The following RNF213 variants were observed in gnomAD, a reference collection of about 807,000 sequenced individuals.
The protein encoded by RNF213 is ring finger protein 213.
In RNF213, 341 loss-of-function variants were observed where a neutral mutation model predicts 514.4. The observed-to-expected ratio is 0.66, with a 90% confidence interval of 0.61 to 0.73. The LOEUF (loss-of-function observed/expected upper bound fraction) is 0.73. Ranked by LOEUF, RNF213 falls within the 30% of genes least tolerant of loss-of-function variation. The probability of loss-of-function intolerance (pLI) is 0.00; values close to 1 mark genes in which losing one functional copy is unlikely to be tolerated. For synonymous variants in RNF213, 2,655 were observed against 2,658.2 expected (o/e 1.00, Z 0.04); for missense variants, 5,767 against 6,615.6 (o/e 0.87, Z 4.45).
Position 80,263,886 on chromosome 17 carries a change from G to A in RNF213, c.97+108G>A. 2 of 855,612 alleles carry A rather than the reference G, an allele frequency of 2.3e-6. No individual in the cohort carries two copies. Among genetic ancestry groups the A allele is most frequent in the South Asian group, 1.4e-5 (1 of 71,680 alleles). 53.0% of individuals were successfully genotyped at this position (855,612 alleles called of 1,614,324 possible). ...CTGGGCAGCAGGCAGCTCAGGTGGG[G>A]CCGAGGTCCTCTGTGGCTACTGAGG... On this transcript the variant is annotated intron_variant, in intron 2 of 67. Transcript: ENST00000582970. This position sits in a 1 kb window ranked among gnomAD's most constrained non-coding sequence, Gnocchi z 4.9.
chr17:80,347,836 C>G lies in RNF213; in HGVS notation c.9501C>G (p.Asn3167Lys). The G allele has an allele frequency of 6.2e-7, 1 of 1,614,082 alleles. No individual in the cohort carries two copies. Among genetic ancestry groups the G allele is most frequent in the Non-Finnish European group, 8.5e-7 (1 of 1,180,008 alleles). Residue 3167 changes from asparagine to lysine, a missense_variant, in exon 29 of 68, where the codon AAC becomes AAG. Asn to Lys is a moderately conservative substitution (Grantham distance 94). Coordinates refer to ENST00000582970, the MANE Select transcript of RNF213 (RefSeq NM_001256071.3). The surrounding 1 kb of genome is among the most constrained non-coding windows in gnomAD (Gnocchi z 7.2). ...AACACTTTCCCATCCCCCTCATTAA[C>G]CGGCTGGAGAAGCACTATCTGGATA... Reference protein sequence around the residue: ...VYKHFPIPLINRLEKHYLDIN... With the variant: ...VYKHFPIPLIKRLEKHYLDIN...
chr17:80,363,525 T>G (rs181521536), intron 40 of RNF213, 84 bp from the exon 41 acceptor site: 1 of 1,482,248 alleles, frequency 6.7e-7, no homozygotes, highest in African/African-American at 1.4e-5. Flanking sequence ...GGGACACAAG[T>G]ATACATGCAG....
intron 63 of RNF213, among the ~76,000 whole-genome samples, chr17:80,387,346 T>TCCAC (rs1218167399): frequency 1.3e-5 from 2 of 152,194 alleles, no homozygotes; most frequent in Admixed American, 6.5e-5. Context: ...GATCAAGGGA[T>TCCAC]CCACCCGCCT....
chr17:80,317,070 T>C lies in RNF213; in HGVS notation c.2812-118T>C, dbSNP rs934264044. The C allele has an allele frequency of 3.2e-5, 34 of 1,069,122 alleles. No individual in the cohort carries two copies. The African/African-American group carries it at 3.6e-4, about 11-fold the overall frequency. The allele number at this position is 1,069,122 out of a possible 1,614,324, so 66.2% of individuals were successfully genotyped here. On this transcript the variant is annotated intron_variant, in intron 15 of 67. Coordinates refer to ENST00000582970, the MANE Select transcript of RNF213 (RefSeq NM_001256071.3). This position sits in a 1 kb window ranked among gnomAD's most constrained non-coding sequence, Gnocchi z 4.1. ...TGATGAAGGTTGGGGAGAGCCCTGG[T>C]GTTCGCGGAGTCCCGCGCTCTCTGT...
intron 20 of RNF213, among the ~76,000 whole-genome samples, chr17:80,329,468 T>C (rs1404150080): frequency 6.6e-6 from 1 of 152,214 alleles, no homozygotes; most frequent in Non-Finnish European, 1.5e-5. Context: ...GTTTTCTCTT[T>C]CTTGAAGCTC....
chr17:80,343,090 G>A lies in RNF213; in HGVS notation c.5990-42G>A, dbSNP rs1354055796. 3.3e-6 allele frequency: 5 copies of A among 1,535,482 alleles called. No individual in the cohort carries two copies. The highest frequency in any genetic ancestry group is 3.6e-6 in the Non-Finnish European group (4 of 1,109,436). ...CCCAAAGTGCTAGGATTACAGGTGT[G>A]AGCCACCACTCCCAGCCCTAATTTC... On this transcript the variant is annotated intron_variant, in intron 26 of 67. Coordinates refer to ENST00000582970, the MANE Select transcript of RNF213 (RefSeq NM_001256071.3). This position sits in a 1 kb window ranked among gnomAD's most constrained non-coding sequence, Gnocchi z 4.3.
At chr17:80,297,007 A>C (rs1434410671) in intron 10 of RNF213, among the ~76,000 whole-genome samples, 1 of 151,738 alleles carries the variant, frequency 6.6e-6, no homozygotes, top group Non-Finnish European at 1.5e-5. Context: ...ACAACCAAAT[A>C]AACGCCGCAC....
chr17:80,361,162 C>T (rs1311462004), intron 38 of RNF213, among the ~76,000 whole-genome samples: 11 of 152,204 alleles, frequency 7.2e-5, no homozygotes, highest in Non-Finnish European at 1.5e-5. Context: ...CTAGATGTTT[C>T]TCTTTGGGGC....
chr17:80,314,060 A>G (rs1297482037), intron 15 of RNF213, among the ~76,000 whole-genome samples: 158 of 10,820 alleles, frequency 0.015, no homozygotes, highest in African/African-American at 0.02. Context: ...TGGTGGAGGT[A>G]ATGGAGGTGA....
At chr17:80,338,065 C>T in intron 25 of RNF213, 68 bp downstream of exon 25, 2 of 1,511,068 alleles carry the variant, frequency 1.3e-6, no homozygotes, top group Non-Finnish European at 1.8e-6. Flanking sequence ...CTGTGTACTC[C>T]CAAGAAAACG....
intron 46 of RNF213, 66 bp from the exon 47 acceptor site, chr17:80,371,808 T>C (rs1378946259): frequency 1.1e-5 from 9 of 818,708 alleles, no homozygotes; most frequent in Non-Finnish European, 1.9e-5. Context: ...AGATAGATGC[T>C]CTTTTTTTTA....
chr17:80,287,621 C>A (rs1301520428), intron 3 of RNF213, among the ~76,000 whole-genome samples, 194 bp from the exon 4 acceptor site: 1 of 152,136 alleles, frequency 6.6e-6, no homozygotes, highest in Non-Finnish European at 1.5e-5. Context: ...GGCCACTTGC[C>A]CCGACCCTGC....
chr17:80,322,506 G>A (rs2046172969), intron 17 of RNF213, among the ~76,000 whole-genome samples: 1 of 152,036 alleles, frequency 6.6e-6, no homozygotes, highest in Non-Finnish European at 1.5e-5. Flanking sequence ...AAGCCATGAG[G>A]TGGAGGTTGC....
chr17:80,356,777 C>G lies in RNF213; in HGVS notation c.10863-1511C>G, dbSNP rs901966111. Among the ~76,000 whole-genome samples the G allele has an allele frequency of 3.9e-5, 6 of 152,376 alleles. No individual in the cohort carries two copies. The South Asian group carries it at 6.2e-4, about 16-fold the overall frequency. On this transcript the variant is annotated intron_variant, in intron 36 of 67. Coordinates refer to ENST00000582970, the MANE Select transcript of RNF213 (RefSeq NM_001256071.3). The stretch of plus-strand genomic sequence containing the variant: ...TAGTTTGCTGTTTTCTCCCTCTGTG[C>G]ACTGGGATGCTTTATTTTCCCAATA...
rs371517262 is a variant in RNF213 at position 80,376,560 on chromosome 17, A to T, written c.13428+17A>T. 1.2e-6 allele frequency: 2 copies of T among 1,613,694 alleles called. No homozygotes were observed. The highest frequency in any genetic ancestry group is 1.7e-6 in the Non-Finnish European group (2 of 1,180,018). On this transcript the variant is annotated intron_variant, in intron 52 of 67. Coordinates refer to ENST00000582970, the MANE Select transcript of RNF213 (RefSeq NM_001256071.3). ...ACCATGGCGGTAAGAGTAGGCCACA[A>T]TTCCATCGGCCTTCACTGGAACACC...
rs182554101 is a variant in RNF213, at chr17:80,302,772, A to C, written c.2211-3480A>C. On this transcript the variant is annotated intron_variant, in intron 11 of 67. Coordinates refer to ENST00000582970, the MANE Select transcript of RNF213 (RefSeq NM_001256071.3). ...CTACTTGGGAGGCTTACATGAGAGGATCGCTTGAGCCAGGGAGGTCAAGGC... is the reference window on the plus strand; with the variant it reads ...CTACTTGGGAGGCTTACATGAGAGGCTCGCTTGAGCCAGGGAGGTCAAGGC... 5.0e-3 allele frequency among the ~76,000 whole-genome samples: 767 copies of C among 152,308 alleles called. 8 individuals carry two copies. The highest frequency in any genetic ancestry group is 0.015 in the African/African-American group (606 of 41,564).
At position 80,381,506 on chromosome 17, in the gene RNF213, A is replaced by G. The variant is rs1414902442; in HGVS notation, c.13798-41A>G. On this transcript the variant is annotated intron_variant, in intron 56 of 67. Transcript: ENST00000582970. ...ACCAGGCTCACCATCTTCTCTACAA[A>G]CCAGATCCCCGCTGAACACTCTGTT... The G allele has an allele frequency of 2.5e-6, 4 of 1,609,246 alleles. No individual in the cohort carries two copies. The African/African-American group carries it at 5.3e-5, about 22-fold the overall frequency.
chr17:80,334,050 G>T, intron 21 of RNF213, 55 bp from the exon 22 acceptor site: 1 of 1,534,942 alleles, frequency 6.5e-7, no homozygotes, highest in South Asian at 1.2e-5. Context: ...GCAGCTCACA[G>T]ATTCTGGGGT....
At position 80,343,202 on chromosome 17, in the gene RNF213, G is replaced by A. The variant is rs908957579; in HGVS notation, c.6060G>A (p.Leu2020=). 1 of 1,614,072 alleles carries A rather than the reference G, an allele frequency of 6.2e-7. No individual in the cohort carries two copies. Among genetic ancestry groups the A allele is most frequent in the Non-Finnish European group, 8.5e-7 (1 of 1,179,980 alleles). Residue 2020 remains leucine (L), a synonymous_variant, in exon 27 of 68, where the codon CTG becomes CTA. Coordinates refer to ENST00000582970, the MANE Select transcript of RNF213 (RefSeq NM_001256071.3). This position sits in a 1 kb window ranked among gnomAD's most constrained non-coding sequence, Gnocchi z 4.3. The part of the protein sequence containing the change: ...KMQLNVKNVP[L]KTIRLIDPQV... ...AGTTAAACGTGAAAAATGTGCCTCT[G>A]AAAACAATTCGACTGATCGACCCTC...
Sources: gnomAD v4.1 joint callset for allele counts (sites outside exome capture counted in the v4.1 genomes callset) on GRCh38, gnomAD v4.1.1 for gene constraint, Gnocchi (gnomAD v3.1) non-coding constraint, MANE v1.5 for transcripts, NCBI Gene and HGNC (gene_info 2026-07-23, HGNC 2026-07-21) for gene names.